CACNA1S: variants seen among roughly 807,000 people sequenced by gnomAD.
CACNA1S encodes calcium voltage-gated channel subunit alpha1 S, also known as voltage-dependent L-type calcium channel subunit alpha-1S.
In CACNA1S, 126 loss-of-function variants were observed where a neutral mutation model predicts 207.4. The observed-to-expected ratio is 0.61, with a 90% CI of 0.53 to 0.70. The LOEUF is 0.70. Ranked by LOEUF, CACNA1S falls within the 30% of genes least tolerant of loss-of-function variation. CACNA1S has a pLI of 0.00. For missense variants in CACNA1S, 2,349 were observed against 2,422.8 expected, an observed-to-expected ratio of 0.97 and a Z score of 0.64; for synonymous variants, 960 against 932.7, an observed-to-expected ratio of 1.03 and a Z score of -0.53.
chr1:201,063,721 GC>G (rs112748933), intron 22 of CACNA1S, among the ~76,000 whole-genome samples: 2 of 152,172 alleles, frequency 1.3e-5, no homozygotes, highest in Non-Finnish European at 2.9e-5. Flanking sequence ...GCTGGCCCTT[GC>G]CCCCCGCTGC....
rs56739161 is a variant in CACNA1S, at chr1:201,109,243, C to CA, written c.258+920dup. 8.1e-3 allele frequency among the ~76,000 whole-genome samples: 962 copies of CA among 118,462 alleles called. 10 individuals carry two copies. Among genetic ancestry groups the CA allele is most frequent in the African/African-American group, 0.021 (687 of 32,448 alleles). The allele number at this position is 118,462 out of a possible 152,430, so 77.7% of individuals were successfully genotyped here. A position where few individuals can be genotyped will look rare whatever the true frequency, so the allele number is the denominator to read the frequency against. The stretch of plus-strand genomic sequence containing the variant: ...TGGGCAACAGAGTGAGACTCTGTCT[C>CA]AAAAAAAAAAAAAAAAAGAGGTTCT... On this transcript the variant is annotated intron_variant, in intron 2 of 43. Coordinates refer to ENST00000362061, the MANE Select transcript of CACNA1S (RefSeq NM_000069.3).
intron 43 of CACNA1S, 22 bp downstream of exon 43, chr1:201,040,209 T>C: frequency 1.2e-6 from 2 of 1,612,920 alleles, no homozygotes; most frequent in Non-Finnish European, 1.7e-6. Flanking sequence ...CAGCCACTGC[T>C]GTGACCCAGC....
rs375784883 is a variant in CACNA1S, at chr1:201,066,878, G to C, written c.2657+9C>G. ...TCTGTGCCCAGGGCTGGCCCTTGCC[G>C]CTGCTCACTCAAGTCCCATGGAGAT... On this transcript the variant is annotated intron_variant, in intron 20 of 43. Coordinates refer to ENST00000362061, the MANE Select transcript of CACNA1S (RefSeq NM_000069.3). The surrounding 1 kb of genome is among the most constrained non-coding windows in gnomAD (Gnocchi z 4.3). 6.2e-7 allele frequency: 1 copy of C among 1,605,562 alleles called. No homozygotes were observed. The highest frequency in any genetic ancestry group is 8.5e-7 in the Non-Finnish European group (1 of 1,172,272).
chr1:201,110,668 A>G (rs1663065824), intron 1 of CACNA1S, among the ~76,000 whole-genome samples: 1 of 152,248 alleles, frequency 6.6e-6, no homozygotes, highest in Non-Finnish European at 1.5e-5. Flanking sequence ...GCTTACCCAG[A>G]TAAATGGCAT....
intron 2 of CACNA1S, among the ~76,000 whole-genome samples, chr1:201,103,755 C>T (rs1012074625): frequency 2.0e-5 from 3 of 152,298 alleles, no homozygotes; most frequent in African/African-American, 4.8e-5. Flanking sequence ...CCCCAGATGG[C>T]GAGGGGAATG....
At chr1:201,069,005 G>T in intron 19 of CACNA1S, 132 bp downstream of exon 19, 1 of 811,130 alleles carries the variant, frequency 1.2e-6, no homozygotes, top group African/African-American at 1.7e-5. Flanking sequence ...CCGGTGTGCT[G>T]GGTCCCATGA....
intron 41 of CACNA1S, among the ~76,000 whole-genome samples, chr1:201,040,970 C>G (rs996014373): frequency 1.3e-5 from 2 of 152,186 alleles, no homozygotes; most frequent in Non-Finnish European, 2.9e-5. Flanking sequence ...GAGTCTCTGG[C>G]CAAGCTGGTC....
In CACNA1S at chr1:201,059,387, G is replaced by A. The variant is rs533298423; in HGVS notation, c.3415-88C>T. 29 of 797,660 alleles carry A rather than the reference G, an allele frequency of 3.6e-5. No homozygotes were observed. In the African/African-American group the frequency reaches 4.4e-4, roughly 12 times the overall value. 49.4% of individuals were successfully genotyped at this position (797,660 alleles called of 1,614,324 possible). ...ATTCCCAGAGCCCCTGCCTCTTCCT[G>A]GGAAGCCCCCAACCCTTTCTTGGGC... On this transcript the variant is annotated intron_variant, in intron 26 of 43. Transcript: ENST00000362061.
At chr1:201,048,973 G>A in intron 35 of CACNA1S, 30 bp downstream of exon 35, 4 of 1,559,460 alleles carry the variant, frequency 2.6e-6, no homozygotes, top group Non-Finnish European at 2.7e-6. Flanking sequence ...CCCCTCCCTG[G>A]GGCCACCCAT....
chr1:201,040,684 G>A lies in CACNA1S; in HGVS notation c.5164C>T (p.Leu1722=). 1 of 1,614,122 alleles carries A rather than the reference G, an allele frequency of 6.2e-7. No homozygotes were observed. Among genetic ancestry groups the A allele is most frequent in the Non-Finnish European group, 8.5e-7 (1 of 1,180,000 alleles). ...GCCCTCTGGGTCAGCAGTCCCTTCA[G>A]CATCTCCACACAGGGTTTGCTGTGG... ...GPHSKPCVEM[L]KGLLTQRAMP... is the part of the protein sequence containing the mutation. The change falls in exon 42 of 44, where the codon CTG becomes TTG. Residue 1722 remains leucine (L), a synonymous_variant. Transcript: ENST00000362061.
chr1:201,060,890 T>C, intron 25 of CACNA1S, 74 bp from the exon 26 acceptor site: 1 of 1,581,624 alleles, frequency 6.3e-7, no homozygotes, highest in South Asian at 1.1e-5. Flanking sequence ...ATCCATGGGA[T>C]TGACGGGCAA....
chr1:201,063,057 C>T (rs1437963612), intron 22 of CACNA1S, among the ~76,000 whole-genome samples: 1 of 151,868 alleles, frequency 6.6e-6, no homozygotes, highest in Non-Finnish European at 1.5e-5. Flanking sequence ...AAGCGGGGTC[C>T]CATGTCCCAG....
chr1:201,043,230 C>A, intron 40 of CACNA1S, 51 bp downstream of exon 40: 1 of 1,613,060 alleles, frequency 6.2e-7, no homozygotes, highest in South Asian at 1.1e-5. Context: ...AACCTGCTGA[C>A]ATTGTCCTCC....
rs762662252 is a variant in CACNA1S at position 201,047,094 on chromosome 1, AC to A, written c.4668+20del. 1.9e-6 allele frequency: 3 copies of A among 1,614,142 alleles called. No individual in the cohort carries two copies. The highest frequency in any genetic ancestry group is 2.5e-6 in the Non-Finnish European group (3 of 1,180,014). On this transcript the variant is annotated intron_variant, in intron 38 of 43. Coordinates refer to ENST00000362061, the MANE Select transcript of CACNA1S (RefSeq NM_000069.3). ...TGGCTCAGTGGGGGAGCCCCTTGGA[AC>A]ATACCTGGATTGGGCTTACCTGGAT...
At chr1:201,108,910 G>A (rs564481669) in intron 2 of CACNA1S, among the ~76,000 whole-genome samples, 3 of 152,168 alleles carry the variant, frequency 2.0e-5, no homozygotes, top group Non-Finnish European at 4.4e-5. Context: ...TCCCCTAGAA[G>A]TCTTTCTGCC....
At chr1:201,083,898 T>C (rs530661760) in intron 9 of CACNA1S, among the ~76,000 whole-genome samples, 8 of 152,322 alleles carry the variant, frequency 5.3e-5, no homozygotes, top group Admixed American at 3.3e-4. Context: ...GGAGTAGCTA[T>C]ACCCTTTGAC....
chr1:201,047,546 G>T lies in CACNA1S; in HGVS notation c.4522C>A (p.Gln1508Lys). ...WKRTSMKLLD[Q>K]VIPPIGDDEV... Reference sequence around the variant, plus strand: ...CTACCTCCTATTGGAGGGATGACCTGGTCCAAGAGCTTCATGCTGGTTCTC... The same window carrying T: ...CTACCTCCTATTGGAGGGATGACCTTGTCCAAGAGCTTCATGCTGGTTCTC... The change falls in exon 37 of 44, where the codon CAG (glutamine) becomes AAG (lysine). Residue 1508 changes from glutamine to lysine, a missense_variant. Physicochemically the swap from Gln to Lys is moderately conservative, Grantham distance 53. Transcript: ENST00000362061. The T allele has an allele frequency of 6.2e-7, 1 of 1,613,824 alleles. No individual in the cohort carries two copies. The highest frequency in any genetic ancestry group is 8.5e-7 in the Non-Finnish European group (1 of 1,179,722).
chr1:201,096,950 G>A (rs1371802233), intron 2 of CACNA1S, among the ~76,000 whole-genome samples: 1 of 152,152 alleles, frequency 6.6e-6, no homozygotes, highest in African/African-American at 2.4e-5. Flanking sequence ...CTCACACTCA[G>A]TATGTTTGAA....
chr1:201,074,222 G>T (rs1422730608), intron 14 of CACNA1S, among the ~76,000 whole-genome samples: 1 of 152,242 alleles, frequency 6.6e-6, no homozygotes, highest in Admixed American at 6.5e-5. Context: ...GGAATTCCCA[G>T]GATCCCTCCG....
Sources: allele counts gnomAD v4.1 joint callset (sites outside exome capture counted in the v4.1 genomes callset), GRCh38; gene constraint gnomAD v4.1.1; non-coding constraint Gnocchi (gnomAD v3.1); transcripts MANE v1.5; gene names NCBI Gene and HGNC (gene_info 2026-07-23, HGNC 2026-07-21).